The following CHN2 variants were observed in gnomAD, a reference collection of about 807,000 sequenced individuals.
The protein encoded by CHN2 is beta-chimaerin.
A neutral mutation model predicts 56.3 loss-of-function variants in CHN2; 35 were observed. That is an observed-to-expected ratio of 0.62 (90% CI 0.47 to 0.82). The LOEUF is 0.82. CHN2 is among the 40% of genes least tolerant of loss of function. CHN2 has a pLI of 0.00. For missense variants in CHN2, 491 were observed against 580.5 expected, an observed-to-expected ratio of 0.85 and a Z score of 1.58; for synonymous variants, 210 against 212.8, an observed-to-expected ratio of 0.99 and a Z score of 0.12.
At chr7:29,480,216 G>A in intron 6 of CHN2, 63 bp from the exon 7 acceptor site, 4 of 1,613,996 alleles carry the variant, frequency 2.5e-6, no homozygotes, top group Non-Finnish European at 3.4e-6. Flanking sequence ...AGCCTTCGGG[G>A]TGAAGGTGGG....
intron 1 of CHN2, among the ~76,000 whole-genome samples, chr7:29,267,800 C>T (rs1790271066): frequency 6.6e-6 from 1 of 152,198 alleles, no homozygotes; most frequent in African/African-American, 2.4e-5. Context: ...AGGAGAGACT[C>T]AAGAGCTTTC....
intron 3 of CHN2, among the ~76,000 whole-genome samples, chr7:29,387,463 T>C (rs1327980904): frequency 6.6e-6 from 1 of 152,238 alleles, no homozygotes; most frequent in Non-Finnish European, 1.5e-5. Context: ...GAATATTTGC[T>C]ATTGGGACTT....
intron 2 of CHN2, among the ~76,000 whole-genome samples, chr7:29,358,711 G>T (rs1033933513): frequency 6.6e-6 from 1 of 152,044 alleles, no homozygotes; most frequent in East Asian, 1.9e-4. Flanking sequence ...TGATCTGCCC[G>T]CCTCGGCCTC....
At chr7:29,480,236 C>T (rs770388092) in intron 6 of CHN2, 43 bp from the exon 7 acceptor site, 11 of 1,614,032 alleles carry the variant, frequency 6.8e-6, no homozygotes, top group South Asian at 4.4e-5. Flanking sequence ...GTGTCAAAGG[C>T]GGCTTTCTTT....
At chr7:29,449,063 G>A (rs1479242660) in intron 6 of CHN2, among the ~76,000 whole-genome samples, 1 of 152,208 alleles carries the variant, frequency 6.6e-6, no homozygotes, top group Non-Finnish European at 1.5e-5. Context: ...TTCAGCCATA[G>A]GAGCTTCATA....
At chr7:29,192,372 A>G (rs956589965), upstream of CHN2, 1 of 152,220 alleles carries the variant, frequency 6.6e-6, no homozygotes, top group Non-Finnish European at 1.5e-5. Context: ...TTAAAACACT[A>G]TGAAGGGAAA....
At chr7:29,494,192 C>G (rs1788976127) in intron 7 of CHN2, among the ~76,000 whole-genome samples, 1 of 152,162 alleles carries the variant, frequency 6.6e-6, no homozygotes, top group Non-Finnish European at 1.5e-5. Flanking sequence ...AAGAGGCTTT[C>G]CTGACCATTC....
At chr7:29,299,927 T>C (rs949702363) in intron 1 of CHN2, among the ~76,000 whole-genome samples, 2 of 152,026 alleles carry the variant, frequency 1.3e-5, no homozygotes, top group Admixed American at 6.5e-5. Context: ...GCCATGGGCA[T>C]GGGGAAATGG....
intron 6 of CHN2, among the ~76,000 whole-genome samples, chr7:29,429,172 A>G (rs1805163255): frequency 6.6e-6 from 1 of 152,204 alleles, no homozygotes; most frequent in South Asian, 2.1e-4. Context: ...AGTGTTCTCC[A>G]AGAGCAATAA....
intron 6 of CHN2, among the ~76,000 whole-genome samples, chr7:29,426,783 C>A (rs1019147288): frequency 3.3e-5 from 5 of 152,180 alleles, no homozygotes; most frequent in African/African-American, 1.2e-4. Flanking sequence ...GAATGCACTT[C>A]CAATCTCATG....
intron 6 of CHN2, among the ~76,000 whole-genome samples, chr7:29,474,633 C>T (rs1255911451): frequency 3.3e-5 from 5 of 152,122 alleles, no homozygotes; most frequent in Admixed American, 2.0e-4. Context: ...GAGTATAGCT[C>T]GGGCAGTCAA....
Position 29,291,767 on chromosome 7 carries a change from A to C in CHN2, c.50-62858A>C, listed in dbSNP as rs143101268. On this transcript the variant is annotated intron_variant, in intron 1 of 12. Coordinates refer to ENST00000222792, the MANE Select transcript of CHN2 (RefSeq NM_004067.4). ...TTAAGTATTAAATCCTAGAAGTTGA[A>C]TTGTTTGATCAAAAACTGCCACGAT... 9.3e-4 allele frequency among the ~76,000 whole-genome samples: 141 copies of C among 152,228 alleles called. 2 individuals are homozygous for C. Among genetic ancestry groups the C allele is most frequent in the Middle Eastern group, 3.4e-3 (1 of 294 alleles).
intron 1 of CHN2, among the ~76,000 whole-genome samples, chr7:29,348,208 A>G (rs1484983999): frequency 6.6e-6 from 1 of 152,188 alleles, no homozygotes; most frequent in Non-Finnish European, 1.5e-5. Context: ...TTTCTCAGAC[A>G]TGGAGGAGCT....
At chr7:29,218,550 A>G (rs893211481) in intron 1 of CHN2, among the ~76,000 whole-genome samples, 1 of 152,126 alleles carries the variant, frequency 6.6e-6, no homozygotes, top group African/African-American at 2.4e-5. Flanking sequence ...CTTGGAACCA[A>G]CGTAAATGTC....
At chr7:29,228,884 C>G (rs965438510) in intron 1 of CHN2, among the ~76,000 whole-genome samples, 1 of 152,240 alleles carries the variant, frequency 6.6e-6, no homozygotes, top group Non-Finnish European at 1.5e-5. Context: ...TGGCGCTGCA[C>G]CGCCCTCCTT....
intron 1 of CHN2, among the ~76,000 whole-genome samples, chr7:29,225,168 G>A (rs1187244636): frequency 6.6e-6 from 1 of 152,154 alleles, no homozygotes; most frequent in Non-Finnish European, 1.5e-5. Context: ...GATAGAATAT[G>A]AATGTAATTT....
intron 1 of CHN2, among the ~76,000 whole-genome samples, chr7:29,201,452 C>G (rs1434567386): frequency 1.3e-5 from 2 of 151,652 alleles, no homozygotes; most frequent in African/African-American, 2.4e-5. Flanking sequence ...AGAGGCTGCT[C>G]TATTTAATTA....
chr7:29,366,749 A>G (rs1177792497), intron 2 of CHN2, among the ~76,000 whole-genome samples: 2 of 152,186 alleles, frequency 1.3e-5, no homozygotes, highest in Non-Finnish European at 2.9e-5. Flanking sequence ...ACATTTCAAA[A>G]TGTATAAAGG....
chr7:29,171,500 A>G (rs528238295), intron 2 of CHN2, among the ~76,000 whole-genome samples: 13 of 152,336 alleles, frequency 8.5e-5, no homozygotes, highest in African/African-American at 2.9e-4. Flanking sequence ...GATTCTACCC[A>G]GAATCCTCCT....
Sources: gnomAD v4.1 joint callset for allele counts (sites outside exome capture counted in the v4.1 genomes callset) on GRCh38, gnomAD v4.1.1 for gene constraint, MANE v1.5 for transcripts, NCBI Gene and HGNC (gene_info 2026-07-23, HGNC 2026-07-21) for gene names.